Variants in SMIM36 observed in about 807,000 individuals in gnomAD.
The protein encoded by SMIM36 is small integral membrane protein 36.
chr17:55,452,681 T>G (rs1331252019), intron 4 of SMIM36, among the ~76,000 whole-genome samples: 1 of 152,196 alleles, frequency 6.6e-6, no homozygotes, highest in Non-Finnish European at 1.5e-5. Flanking sequence ...TTGGCTCACA[T>G]CCTGTCTCTG....
intron 1 of SMIM36, among the ~76,000 whole-genome samples, chr17:55,499,174 T>C (rs1909866503): frequency 6.6e-6 from 1 of 152,100 alleles, no homozygotes; most frequent in East Asian, 1.9e-4. Flanking sequence ...CAAATTACAA[T>C]AATTTATTTT....
chr17:55,504,081 C>T (rs1290667850), intron 1 of SMIM36, among the ~76,000 whole-genome samples: 1 of 109,462 alleles, frequency 9.1e-6, no homozygotes, highest in Non-Finnish European at 1.7e-5. Context: ...AAAGCAAGTC[C>T]TGAGTGACCT....
At chr17:55,474,661 CT>C (rs1230540910) in intron 3 of SMIM36, among the ~76,000 whole-genome samples, 2 of 152,112 alleles carry the variant, frequency 1.3e-5, no homozygotes, top group African/African-American at 4.8e-5. Context: ...TCCTGATACT[CT>C]GATTTTGGTT....
At chr17:55,530,232 G>A in the SMIM36 span, among the ~76,000 whole-genome samples, 5 of 152,196 alleles carry the variant, frequency 3.3e-5, no homozygotes, top group Admixed American at 2.6e-4. Context: ...GATTGACTGA[G>A]GTGGTAAAGG....
chr17:55,479,914 T>C (rs1468139400), intron 1 of SMIM36, among the ~76,000 whole-genome samples: 1 of 152,172 alleles, frequency 6.6e-6, no homozygotes, highest in Non-Finnish European at 1.5e-5. Flanking sequence ...TTTTACTTCC[T>C]AGCTGGGACA....
At chr17:55,478,661 A>G (rs996470828) in intron 3 of SMIM36, 101 bp downstream of exon 3, 1 of 152,186 alleles carries the variant, frequency 6.6e-6, no homozygotes, top group African/African-American at 2.4e-5. Context: ...CTTCCTTCAA[A>G]CAGAAGCTTA....
At chr17:55,516,313 A>G (rs1910276326), upstream of SMIM36, among the ~76,000 whole-genome samples, 1 of 152,182 alleles carries the variant, frequency 6.6e-6, no homozygotes, top group Admixed American at 6.5e-5. Context: ...TTCTAAGGGT[A>G]TTGACTCTCA....
chr17:55,474,162 C>A (rs1234767128), intron 3 of SMIM36, among the ~76,000 whole-genome samples: 1 of 152,162 alleles, frequency 6.6e-6, no homozygotes, highest in Non-Finnish European at 1.5e-5. Context: ...TGCCAAAGCT[C>A]CTGGCCAAAT....
intron 4 of SMIM36, among the ~76,000 whole-genome samples, chr17:55,466,362 C>A (rs984378296): frequency 4.0e-5 from 6 of 149,794 alleles, no homozygotes; most frequent in Non-Finnish European, 5.9e-5. Flanking sequence ...AGTTTGGGAG[C>A]GGCTGGAGTC....
intron 1 of SMIM36, among the ~76,000 whole-genome samples, chr17:55,485,186 T>C (rs1909582815): frequency 6.6e-6 from 1 of 152,234 alleles, no homozygotes; most frequent in Admixed American, 6.5e-5. Context: ...TGATAATTAC[T>C]GGTGATAATT....
chr17:55,473,723 C>A (rs1314066474), intron 3 of SMIM36, among the ~76,000 whole-genome samples: 6 of 152,164 alleles, frequency 3.9e-5, no homozygotes, highest in Non-Finnish European at 5.9e-5. Flanking sequence ...CAAGGTGCTG[C>A]AGGGTACAGT....
chr17:55,510,059 C>A (rs2144724474), intron 1 of SMIM36, among the ~76,000 whole-genome samples: 1 of 152,200 alleles, frequency 6.6e-6, no homozygotes, highest in South Asian at 2.1e-4. Flanking sequence ...GTCTCAAGTG[C>A]TTTTGGTGAA....
exon 1 of SMIM36, chr17:55,511,006 C>T: frequency 2.5e-6 from 1 of 397,834 alleles, no homozygotes. Context: ...AGCAGTTTGT[C>T]TCTATGGAAA....
intron 1 of SMIM36, among the ~76,000 whole-genome samples, chr17:55,482,196 G>A (rs1296217117): frequency 6.6e-6 from 1 of 152,138 alleles, no homozygotes; most frequent in South Asian, 2.1e-4. Flanking sequence ...AGAAGTTAGA[G>A]GTAAAGGAAA....
At chr17:55,470,003 C>T (rs1406118051) in intron 3 of SMIM36, among the ~76,000 whole-genome samples, 1 of 151,856 alleles carries the variant, frequency 6.6e-6, no homozygotes, top group East Asian at 1.9e-4. Context: ...AAAAAAAAAC[C>T]ACAACTTCAA....
intron 3 of SMIM36, among the ~76,000 whole-genome samples, chr17:55,475,169 A>G (rs1909407960): frequency 6.6e-6 from 1 of 152,024 alleles, no homozygotes; most frequent in African/African-American, 2.4e-5. Context: ...TCATACTCCT[A>G]TTCACCATTC....
intron 4 of SMIM36, among the ~76,000 whole-genome samples, chr17:55,460,734 TGTA>T (rs1909133662): frequency 6.6e-6 from 1 of 152,022 alleles, no homozygotes; most frequent in South Asian, 2.1e-4. Context: ...GGTGGGTGCC[TGTA>T]GTCCCAGCTA....
At chr17:55,480,538 A>AT (rs1402735777) in intron 1 of SMIM36, among the ~76,000 whole-genome samples, 1 of 152,132 alleles carries the variant, frequency 6.6e-6, no homozygotes, top group African/African-American at 2.4e-5. Context: ...TCACTGGTTG[A>AT]TTTTTTGGGG....
At chr17:55,522,047 C>T in the SMIM36 span, among the ~76,000 whole-genome samples, 4 of 152,162 alleles carry the variant, frequency 2.6e-5, no homozygotes, top group Admixed American at 2.0e-4. Context: ...CCATTTCACT[C>T]CATCAAAAGC....
Sources: allele counts gnomAD v4.1 joint callset (sites outside exome capture counted in the v4.1 genomes callset), GRCh38; gene constraint gnomAD v4.1.1; transcripts MANE v1.5; gene names NCBI Gene and HGNC (gene_info 2026-07-23, HGNC 2026-07-21).